The following INPP5B variants were observed in gnomAD, a reference collection of about 807,000 sequenced individuals.
INPP5B encodes inositol polyphosphate-5-phosphatase B.
A neutral mutation model predicts 118.5 loss-of-function variants in INPP5B; 90 were observed. The observed-to-expected ratio is 0.76, with a 90% CI of 0.64 to 0.90. The LOEUF is 0.90. Ranked by LOEUF, INPP5B falls within the 40% of genes least tolerant of loss-of-function variation. INPP5B has a pLI of 0.00. For synonymous variants in INPP5B, 385 were observed against 418.9 expected, an observed-to-expected ratio of 0.92 and a Z score of 0.99; for missense variants, 984 against 1,125.6, an observed-to-expected ratio of 0.87 and a Z score of 1.80.
At chr1:37,868,339 G>A (rs1363817883) in intron 20 of INPP5B, among the ~76,000 whole-genome samples, 162 bp downstream of exon 20, 1 of 149,456 alleles carries the variant, frequency 6.7e-6, no homozygotes, top group Admixed American at 6.7e-5. Context: ...AAAAATAGCA[G>A]GGTCTCCCAG....
At chr1:37,941,731 G>A (rs1423167322) in intron 5 of INPP5B, among the ~76,000 whole-genome samples, 2 of 148,536 alleles carry the variant, frequency 1.3e-5, no homozygotes, top group African/African-American at 5.0e-5. Context: ...GAGGTCAGGA[G>A]ATCGAGACCA....
chr1:37,891,283 A>G, intron 8 of INPP5B, 75 bp downstream of exon 8: 1 of 1,044,200 alleles, frequency 9.6e-7, no homozygotes, highest in South Asian at 1.4e-5. Context: ...AACTTACATT[A>G]TACCCAAAAT....
intron 7 of INPP5B, chr1:37,929,967 C>G (rs1445625144): frequency 6.6e-6 from 1 of 152,232 alleles, no homozygotes; most frequent in Non-Finnish European, 1.5e-5. Flanking sequence ...CTCCTGACCT[C>G]AGGTGATCCG....
At chr1:37,911,235 ATTTTCCTCCTCACACTTGACGCATATAC>A (rs1025889196) in intron 7 of INPP5B, among the ~76,000 whole-genome samples, 2 of 151,742 alleles carry the variant, frequency 1.3e-5, no homozygotes, top group African/African-American at 4.8e-5. Context: ...TTCAAAATCT[ATTTTCCTCCTCACACTTGACGCATATAC>A]TTTCTGCCCC....
At position 37,907,111 on chromosome 1, in the gene INPP5B, C is replaced by A. The variant is rs1644528435; in HGVS notation, c.533-15657G>T. On this transcript the variant is annotated intron_variant, in intron 7 of 23. Transcript: ENST00000373024. The surrounding 1 kb of genome is among the most constrained non-coding windows in gnomAD (Gnocchi z 4.3). ...ATATCAGCTTGGTTCCAACAGTTGC[C>A]CAGTTCATGAAAAGCCTTCTAATTT... is the stretch of plus-strand genomic sequence containing the variant. 6.6e-6 allele frequency among the ~76,000 whole-genome samples: 1 copy of A among 152,110 alleles called. No homozygotes were observed. Among genetic ancestry groups the A allele is most frequent in the Admixed American group, 6.6e-5 (1 of 15,260 alleles).
chr1:37,938,856 A>G (rs1645801778), intron 6 of INPP5B, among the ~76,000 whole-genome samples: 1 of 152,128 alleles, frequency 6.6e-6, no homozygotes, highest in Non-Finnish European at 1.5e-5. Context: ...CGGGAGTTCG[A>G]GACCACCCTG....
chr1:37,942,948 G>A (rs1645986994), intron 5 of INPP5B, among the ~76,000 whole-genome samples: 1 of 150,282 alleles, frequency 6.7e-6, no homozygotes, highest in African/African-American at 2.4e-5. Context: ...AGGGAGGGAG[G>A]GACAGACACA....
At chr1:37,945,725 C>T (rs926864850) in intron 3 of INPP5B, 31 bp downstream of exon 3, 3 of 1,556,848 alleles carry the variant, frequency 1.9e-6, no homozygotes, top group Admixed American at 1.7e-5. Flanking sequence ...CCCCATGGCC[C>T]AGACAGGTGG....
At chr1:37,905,381 G>A (rs1475156943) in intron 7 of INPP5B, among the ~76,000 whole-genome samples, 1 of 152,150 alleles carries the variant, frequency 6.6e-6, no homozygotes, top group Non-Finnish European at 1.5e-5. Context: ...TCCAGGCTGG[G>A]TGACAAAGCA....
intron 7 of INPP5B, among the ~76,000 whole-genome samples, chr1:37,902,688 T>G (rs968786796): frequency 3.9e-5 from 6 of 151,924 alleles, no homozygotes; most frequent in African/African-American, 1.4e-4. Flanking sequence ...CTCCTGAGTA[T>G]CTGGGATTAC....
Position 37,862,281 on chromosome 1 carries a change from G to T in INPP5B, c.*34C>A. ...GCTGAAACAGGTGGGGCTGGTAATTGGCAGCCTCAAGTAAAATAGGAGGAG... is the reference window on the plus strand; with the variant it reads ...GCTGAAACAGGTGGGGCTGGTAATTTGCAGCCTCAAGTAAAATAGGAGGAG... On this transcript the variant is annotated 3_prime_UTR_variant, in exon 24 of 24. Transcript: ENST00000373024. 1 of 1,396,240 alleles carries T rather than the reference G, an allele frequency of 7.2e-7. No homozygotes were observed. Among genetic ancestry groups the T allele is most frequent in the South Asian group, 1.2e-5 (1 of 86,208 alleles). 86.5% of individuals were successfully genotyped at this position (1,396,240 alleles called of 1,614,324 possible).
At chr1:37,889,831 C>A in intron 8 of INPP5B, 107 bp from the exon 9 acceptor site, 1 of 727,344 alleles carries the variant, frequency 1.4e-6, no homozygotes, top group Non-Finnish European at 2.2e-6. Flanking sequence ...TCACAGAAGA[C>A]TAAAGGAGGC....
rs1188133166 is a variant in INPP5B, at chr1:37,935,287, G to A, written c.392-3234C>T. 2.5e-4 allele frequency among the ~76,000 whole-genome samples: 37 copies of A among 148,428 alleles called. 1 individual carries two copies. The highest frequency in any genetic ancestry group is 9.1e-4 in the African/African-American group (37 of 40,566). ...GCTCACTGCAACCTCTGCCTCCCGGGTTCAAGCGATTCTCCCGCCTCAGCC... is the reference window on the plus strand; with the variant it reads ...GCTCACTGCAACCTCTGCCTCCCGGATTCAAGCGATTCTCCCGCCTCAGCC... On this transcript the variant is annotated intron_variant, in intron 6 of 23. Transcript: ENST00000373024.
At chr1:37,937,489 A>G (rs1410250385) in intron 6 of INPP5B, among the ~76,000 whole-genome samples, 1 of 151,604 alleles carries the variant, frequency 6.6e-6, no homozygotes, top group Non-Finnish European at 1.5e-5. Context: ...AAAGTTGGCC[A>G]GGGACAGTCG....
intron 2 of INPP5B, 57 bp from the exon 3 acceptor site, chr1:37,945,907 C>T: frequency 6.7e-7 from 1 of 1,498,106 alleles, no homozygotes; most frequent in Non-Finnish European, 9.3e-7. Context: ...CCCACCCAGG[C>T]TGTCCCACCT....
intron 16 of INPP5B, among the ~76,000 whole-genome samples, chr1:37,876,928 G>T (rs930378331): frequency 6.6e-6 from 1 of 151,764 alleles, no homozygotes; most frequent in Non-Finnish European, 1.5e-5. Flanking sequence ...AGGCATGCCT[G>T]TAATCCTACC....
intron 7 of INPP5B, among the ~76,000 whole-genome samples, chr1:37,917,497 T>A (rs1049792556): frequency 6.6e-6 from 1 of 150,938 alleles, no homozygotes; most frequent in African/African-American, 2.4e-5. Context: ...ATAATTTTTG[T>A]ATTTTCAGTA....
intron 7 of INPP5B, among the ~76,000 whole-genome samples, chr1:37,924,949 A>G (rs1231517696): frequency 1.3e-5 from 2 of 152,172 alleles, no homozygotes; most frequent in Non-Finnish European, 2.9e-5. Context: ...CAAGGTGGGC[A>G]GATCACCTGA....
chr1:37,923,451 A>C (rs957910816), intron 7 of INPP5B, among the ~76,000 whole-genome samples: 4 of 152,216 alleles, frequency 2.6e-5, no homozygotes, highest in Non-Finnish European at 4.4e-5. Context: ...TCTATAGGCA[A>C]CAGGGAGTGG....
Sources: gnomAD v4.1 joint callset for allele counts (sites outside exome capture counted in the v4.1 genomes callset) on GRCh38, gnomAD v4.1.1 for gene constraint, Gnocchi (gnomAD v3.1) non-coding constraint, MANE v1.5 for transcripts, NCBI Gene and HGNC (gene_info 2026-07-23, HGNC 2026-07-21) for gene names.